The following CACNA2D1 variants were observed in gnomAD, a reference collection of about 807,000 sequenced individuals.
The protein encoded by CACNA2D1 is voltage-dependent calcium channel subunit alpha-2/delta-1.
In CACNA2D1, 53 loss-of-function variants were observed where a neutral mutation model predicts 171.5. That is an observed-to-expected ratio of 0.31 (90% CI 0.25 to 0.39). The LOEUF (loss-of-function observed/expected upper bound fraction) is 0.39, where lower values mean the gene tolerates loss of function less well. Ranked by LOEUF, CACNA2D1 falls within the 10% of genes least tolerant of loss-of-function variation. CACNA2D1 has a pLI of 1.00. For synonymous variants in CACNA2D1, 442 were observed against 443.1 expected, an observed-to-expected ratio of 1.00 and a Z score of 0.03; for missense variants, 903 against 1,299.8, an observed-to-expected ratio of 0.69 and a Z score of 4.69.
chr7:82,286,373 C>T (rs989005821), intron 3 of CACNA2D1, among the ~76,000 whole-genome samples: 3 of 152,056 alleles, frequency 2.0e-5, no homozygotes, highest in Non-Finnish European at 4.4e-5. Context: ...TATAATCACT[C>T]GCAGGAAACT....
chr7:82,130,199 G>T (rs937287312), intron 5 of CACNA2D1, among the ~76,000 whole-genome samples: 2 of 152,008 alleles, frequency 1.3e-5, no homozygotes, highest in Non-Finnish European at 2.9e-5. Context: ...TACATCAGCT[G>T]CTATAAGTGC....
intron 3 of CACNA2D1, among the ~76,000 whole-genome samples, chr7:82,332,754 C>T (rs985696792): frequency 6.6e-6 from 1 of 152,180 alleles, no homozygotes; most frequent in Non-Finnish European, 1.5e-5. Flanking sequence ...AATCCCAGCA[C>T]TTTGGGAGGC....
rs3839794 is a variant in CACNA2D1 at position 82,268,725 on chromosome 7, CAA to C, written c.294+66408_294+66409del. Among the ~76,000 whole-genome samples, 1,041 of 138,624 alleles carry C rather than the reference CAA, an allele frequency of 7.5e-3. 3 individuals are homozygous for C. The highest frequency in any genetic ancestry group is 0.022 in the Middle Eastern group (6 of 270). 90.9% of individuals were successfully genotyped at this position (138,624 alleles called of 152,430 possible). A position where few individuals can be genotyped will look rare whatever the true frequency, so the allele number is the denominator to read the frequency against. On this transcript the variant is annotated intron_variant, in intron 3 of 38. Transcript: ENST00000356860. The stretch of plus-strand genomic sequence containing the variant: ...AAAGAATTTGAGAGATACCTGAGAC[CAA>C]AAAAAAAAAAAAGACACAATTAAGA...
At chr7:82,236,235 C>G (rs903236017) in intron 3 of CACNA2D1, among the ~76,000 whole-genome samples, 3 of 151,992 alleles carry the variant, frequency 2.0e-5, no homozygotes, top group Non-Finnish European at 4.4e-5. Flanking sequence ...ACCCAACTTC[C>G]TAGGCCAAAT....
chr7:82,284,118 C>A (rs1191785662), intron 3 of CACNA2D1, among the ~76,000 whole-genome samples: 2 of 150,336 alleles, frequency 1.3e-5, no homozygotes, highest in East Asian at 2.0e-4. Context: ...TCACTTGAGG[C>A]AGGAGGTGGA....
chr7:82,060,954 G>C (rs534003259), intron 9 of CACNA2D1, among the ~76,000 whole-genome samples: 2 of 152,206 alleles, frequency 1.3e-5, no homozygotes, highest in Non-Finnish European at 2.9e-5. Context: ...TATGATAACA[G>C]ATTTGCAAGA....
chr7:82,037,479 C>CA (rs113083970), intron 11 of CACNA2D1, among the ~76,000 whole-genome samples: 2,454 of 143,542 alleles, frequency 0.017, 79 homozygotes, highest in African/African-American at 0.058. Context: ...AACTCCATTT[C>CA]AAAAAAAAAA....
chr7:82,354,014 ACCTTCTCC>A (rs1048641650), intron 1 of CACNA2D1, among the ~76,000 whole-genome samples: 1 of 151,984 alleles, frequency 6.6e-6, no homozygotes, highest in African/African-American at 2.4e-5. Context: ...TCACTGTCTG[ACCTTCTCC>A]CTCCCTTCTT....
chr7:82,082,863 A>C (rs1809970483), intron 7 of CACNA2D1, among the ~76,000 whole-genome samples: 1 of 152,048 alleles, frequency 6.6e-6, no homozygotes, highest in South Asian at 2.1e-4. Context: ...ATCATCCCTC[A>C]ATTAGCATTT....
At chr7:81,960,412 G>A (rs1411470155) in intron 36 of CACNA2D1, among the ~76,000 whole-genome samples, 1 of 152,136 alleles carries the variant, frequency 6.6e-6, no homozygotes, top group East Asian at 1.9e-4. Flanking sequence ...AACTGTAATT[G>A]AAATTTCAAT....
chr7:82,060,224 T>TATATATATA (rs1806657897), intron 10 of CACNA2D1, among the ~76,000 whole-genome samples: 2 of 56,674 alleles, frequency 3.5e-5, no homozygotes, highest in African/African-American at 6.7e-5. Flanking sequence ...ATATATATAA[T>TATATATATA]ATATATATAT....
At chr7:81,979,275 T>C (rs1263056123) in intron 24 of CACNA2D1, among the ~76,000 whole-genome samples, 2 of 151,770 alleles carry the variant, frequency 1.3e-5, no homozygotes, top group African/African-American at 4.8e-5. Flanking sequence ...TGTACATATA[T>C]GTAAATATAT....
intron 6 of CACNA2D1, among the ~76,000 whole-genome samples, chr7:82,101,770 T>C (rs913531534): frequency 1.3e-5 from 2 of 152,170 alleles, no homozygotes; most frequent in African/African-American, 4.8e-5. Context: ...TACCGCAATC[T>C]ACCAATTCAG....
intron 1 of CACNA2D1, among the ~76,000 whole-genome samples, chr7:82,392,283 G>GC (rs1230009879): frequency 6.6e-6 from 1 of 152,058 alleles, no homozygotes; most frequent in African/African-American, 2.4e-5. Flanking sequence ...CTCATAAAAG[G>GC]CCCAGACCCA....
At chr7:82,386,395 CA>C (rs1824379576) in intron 1 of CACNA2D1, among the ~76,000 whole-genome samples, 1 of 152,074 alleles carries the variant, frequency 6.6e-6, no homozygotes. Flanking sequence ...GTTTTTGTTT[CA>C]AAATTACATT....
At chr7:82,282,291 C>T (rs1009810070) in intron 3 of CACNA2D1, among the ~76,000 whole-genome samples, 111 of 152,282 alleles carry the variant, frequency 7.3e-4, no homozygotes, top group African/African-American at 2.5e-3. Flanking sequence ...GAACCAGATT[C>T]TGTCTCTAAA....
intron 3 of CACNA2D1, among the ~76,000 whole-genome samples, chr7:82,239,784 G>GA (rs1049323127): frequency 2.6e-5 from 4 of 152,136 alleles, no homozygotes; most frequent in African/African-American, 9.6e-5. Context: ...TAAAAGGCTG[G>GA]AAGGCCCCAT....
chr7:82,137,861 A>G (rs975038747), intron 4 of CACNA2D1, among the ~76,000 whole-genome samples: 4 of 102,236 alleles, frequency 3.9e-5, no homozygotes, highest in South Asian at 3.3e-4. Flanking sequence ...CTCCGCCTCA[A>G]AAAAAAAATT....
At chr7:82,067,119 T>A (rs193246872) in intron 7 of CACNA2D1, among the ~76,000 whole-genome samples, 478 of 152,286 alleles carry the variant, frequency 3.1e-3, no homozygotes, top group African/African-American at 0.011. Flanking sequence ...AGCCTTTATC[T>A]TTTTGCAATA....
Sources: allele counts gnomAD v4.1 joint callset (sites outside exome capture counted in the v4.1 genomes callset), GRCh38; gene constraint gnomAD v4.1.1; transcripts MANE v1.5; gene names NCBI Gene and HGNC (gene_info 2026-07-23, HGNC 2026-07-21).